DOCK8: variants seen among roughly 807,000 people sequenced by gnomAD.
The protein encoded by DOCK8 is dedicator of cytokinesis protein 8.
Under a neutral mutation model 245.6 loss-of-function variants are expected in DOCK8, and 141 were observed. That is an observed-to-expected ratio of 0.57 (90% CI 0.50 to 0.66). DOCK8 has a LOEUF of 0.66. DOCK8 is among the 30% of genes least tolerant of loss of function. DOCK8 has a pLI of 0.00. For missense variants in DOCK8, 2,965 were observed against 2,603.4 expected (o/e 1.14, Z -3.02); for synonymous variants, 1,168 against 970.2 (o/e 1.20, Z -3.79).
At chr9:304,535 T>G (rs1207296698) in intron 4 of DOCK8, 46 bp from the exon 5 acceptor site, 5 of 1,612,552 alleles carry the variant, frequency 3.1e-6, no homozygotes, top group East Asian at 4.5e-5. Flanking sequence ...GGTTTGCCGC[T>G]CTCTCTCCCT....
intron 29 of DOCK8, among the ~76,000 whole-genome samples, chr9:415,909 T>C (rs1451428912): frequency 3.3e-5 from 5 of 152,196 alleles, no homozygotes; most frequent in African/African-American, 1.2e-4. Flanking sequence ...GAAAGTGTCA[T>C]GTGTGACTAA....
intron 5 of DOCK8, among the ~76,000 whole-genome samples, chr9:309,727 G>A (rs1286145574): frequency 1.3e-5 from 2 of 152,150 alleles, no homozygotes; most frequent in Non-Finnish European, 2.9e-5. Flanking sequence ...CCGTAGAAAA[G>A]TGTTGCCCAC....
intron 14 of DOCK8, among the ~76,000 whole-genome samples, chr9:352,309 G>A (rs1168671326): frequency 6.6e-6 from 1 of 152,130 alleles, no homozygotes; most frequent in Non-Finnish European, 1.5e-5. Flanking sequence ...TCCTCACCGT[G>A]ATGCTCTTGG....
At chr9:369,017 G>C (rs192135960) in intron 15 of DOCK8, 8 of 151,652 alleles carry the variant, frequency 5.3e-5, no homozygotes, top group Non-Finnish European at 8.8e-5. Context: ...TGTTGGCCAG[G>C]GTGGTCTCAA....
intron 33 of DOCK8, 39 bp from the exon 34 acceptor site, chr9:426,846 T>G: frequency 1.3e-6 from 2 of 1,575,376 alleles, no homozygotes; most frequent in Non-Finnish European, 1.7e-6. Flanking sequence ...CTGGCCAGGT[T>G]TGACATGCGC....
At chr9:215,248 T>A in intron 1 of DOCK8, 1 of 1,590,614 alleles carries the variant, frequency 6.3e-7, no homozygotes, top group East Asian at 2.3e-5. Flanking sequence ...CCCAAGAATC[T>A]CGGTGCTCCT....
At position 406,920 on chromosome 9, in the gene DOCK8, G is replaced by A. The variant is rs373098733; in HGVS notation, c.3391-10G>A. On this transcript the variant is annotated splice_polypyrimidine_tract_variant and intron_variant, in intron 27 of 47. Coordinates refer to ENST00000432829, the MANE Select transcript of DOCK8 (RefSeq NM_203447.4). ...TGTGGCTCATAAAATGGCTCCTTAC[G>A]TTTCTGTAGAACTCAAGCTCCTGCT... 3.3e-5 allele frequency: 54 copies of A among 1,613,926 alleles called. No homozygotes were observed. The highest frequency in any genetic ancestry group is 1.7e-4 in the African/African-American group (13 of 74,970).
chr9:323,949 A>G (rs1334494772), intron 7 of DOCK8, among the ~76,000 whole-genome samples: 2 of 152,188 alleles, frequency 1.3e-5, no homozygotes, highest in African/African-American at 4.8e-5. Context: ...CCTTTTGGCT[A>G]TTGTGAATAG....
chr9:259,124 T>C (rs574939474), intron 1 of DOCK8, among the ~76,000 whole-genome samples: 3 of 152,170 alleles, frequency 2.0e-5, no homozygotes, highest in African/African-American at 7.2e-5. Flanking sequence ...TTGGGCAACA[T>C]AGCATGACCC....
chr9:233,764 A>G (rs1165928140), intron 1 of DOCK8, among the ~76,000 whole-genome samples: 8 of 151,862 alleles, frequency 5.3e-5, no homozygotes, highest in Non-Finnish European at 7.4e-5. Flanking sequence ...ATCTTCCTCC[A>G]TCCCTTTATT....
chr9:363,141 A>T (rs527547600), intron 14 of DOCK8, among the ~76,000 whole-genome samples: 1 of 152,212 alleles, frequency 6.6e-6, no homozygotes, highest in South Asian at 2.1e-4. Context: ...AAAATCGCTG[A>T]TGATTATCAA....
intron 7 of DOCK8, among the ~76,000 whole-genome samples, chr9:324,842 A>G (rs933177990): frequency 2.0e-5 from 3 of 152,168 alleles, no homozygotes; most frequent in Admixed American, 1.3e-4. Context: ...TTTTATTTCA[A>G]TGGCTTTAGG....
At chr9:411,588 C>T (rs1273003543) in intron 28 of DOCK8, among the ~76,000 whole-genome samples, 2 of 152,042 alleles carry the variant, frequency 1.3e-5, no homozygotes, top group African/African-American at 4.8e-5. Context: ...GAATACTTCC[C>T]CACTTGTTCT....
chr9:354,804 A>AAAC lies in DOCK8; in HGVS notation c.1680-13211_1680-13209dup, dbSNP rs1369969837. Among the ~76,000 whole-genome samples the AAAC allele has an allele frequency of 7.9e-5, 12 of 152,330 alleles. No individual in the cohort carries two copies. The East Asian group carries it at 2.3e-3, about 29-fold the overall frequency. ...CACAGTGTAGCAATTGGCTTCGTCA[A>AAAC]AACAAGCAAGCGGGAGGGTAAGAGA... On this transcript the variant is annotated intron_variant, in intron 14 of 47. Transcript: ENST00000432829.
rs150038381 is a variant in DOCK8 at position 377,181 on chromosome 9, G to A, written c.2410G>A (p.Val804Met). Reference protein sequence around the residue: ...LVLDKLFQLSVQPMVIAGQTA... With the variant: ...LVLDKLFQLSMQPMVIAGQTA... ...GCTGGACAAGCTCTTCCAGCTGTCC[G>A]TGCAGCCCATGGTCATCGCTGGCCA... The change falls in exon 20 of 48, where the codon GTG becomes ATG. Residue 804 changes from valine to methionine, a missense_variant. Coordinates refer to ENST00000432829, the MANE Select transcript of DOCK8 (RefSeq NM_203447.4). The A allele has an allele frequency of 3.4e-5, 55 of 1,600,850 alleles. No homozygotes were observed. The African/African-American group carries it at 5.3e-4, about 16-fold the overall frequency.
At chr9:253,147 A>G (rs2047689938) in intron 1 of DOCK8, among the ~76,000 whole-genome samples, 1 of 152,142 alleles carries the variant, frequency 6.6e-6, no homozygotes, top group Non-Finnish European at 1.5e-5. Flanking sequence ...ATGCATCTAC[A>G]GGGTAGTCTG....
chr9:284,428 G>C (rs2048723546), intron 2 of DOCK8: 1 of 152,262 alleles, frequency 6.6e-6, no homozygotes, highest in South Asian at 2.1e-4. Context: ...CAGGTCCCCA[G>C]TCAGAACCAA....
At position 432,274 on chromosome 9, in the gene DOCK8, G is replaced by A. The variant is rs891653862; in HGVS notation, c.4735G>A (p.Ala1579Thr). The A allele has an allele frequency of 2.5e-5, 40 of 1,613,726 alleles. No individual in the cohort carries two copies. In the Admixed American group the frequency reaches 4.7e-4, roughly 19 times the overall value. Residue 1579 changes from alanine to threonine, a missense_variant, in exon 37 of 48, where the codon GCC (alanine) becomes ACC (threonine). Transcript: ENST00000432829. ...GAGAAGATCCTTGAGGACAATTTTG[G>A]CCTATTCAGAAGAGGACACAGCCAT... is the stretch of plus-strand genomic sequence containing the variant. Reference protein sequence around the residue: ...HLRRSLRTILAYSEEDTAMQM... With the variant: ...HLRRSLRTILTYSEEDTAMQM...
intron 13 of DOCK8, among the ~76,000 whole-genome samples, 180 bp downstream of exon 13, chr9:339,279 T>A (rs1293668030): frequency 3.9e-5 from 6 of 152,280 alleles, no homozygotes; most frequent in South Asian, 4.1e-4. Flanking sequence ...AATGTTTTTT[T>A]AATTTTCTTA....
Sources: allele counts gnomAD v4.1 joint callset (sites outside exome capture counted in the v4.1 genomes callset), GRCh38; gene constraint gnomAD v4.1.1; transcripts MANE v1.5; gene names NCBI Gene and HGNC (gene_info 2026-07-23, HGNC 2026-07-21).